Variants in STXBP6 observed in about 807,000 individuals in gnomAD.
STXBP6 encodes syntaxin-binding protein 6.
STXBP6 carries 21 observed loss-of-function variants against 26.9 expected under a neutral mutation model. The observed-to-expected ratio is 0.78, with a 90% CI of 0.55 to 1.12. The LOEUF is 1.12. Among genes scored for constraint, STXBP6 ranks in the 50% most tolerant of loss-of-function variants. The probability of loss-of-function intolerance (pLI) is 0.00; values close to 1 mark genes in which losing one functional copy is unlikely to be tolerated. For missense variants in STXBP6, 232 were observed against 257.9 expected (o/e 0.90, Z 0.69); for synonymous variants, 97 against 92.6 (o/e 1.05, Z -0.27).
At chr14:25,012,410 G>A (rs1018396908) in intron 1 of STXBP6, among the ~76,000 whole-genome samples, 3 of 151,796 alleles carry the variant, frequency 2.0e-5, no homozygotes, top group Non-Finnish European at 2.9e-5. Flanking sequence ...GGGGGTACTC[G>A]AGGCCAGGAG....
At chr14:24,840,783 G>C (rs1007515154) in intron 4 of STXBP6, among the ~76,000 whole-genome samples, 4 of 151,862 alleles carry the variant, frequency 2.6e-5, no homozygotes, top group Admixed American at 1.3e-4. Flanking sequence ...CAAGAAAAGA[G>C]GTGACTATCC....
chr14:25,000,759 C>A (rs989843349), intron 1 of STXBP6, among the ~76,000 whole-genome samples: 1 of 150,894 alleles, frequency 6.6e-6, no homozygotes, highest in Non-Finnish European at 1.5e-5. Context: ...GAGAACCCTG[C>A]CCCACACCGA....
intron 1 of STXBP6, among the ~76,000 whole-genome samples, chr14:25,012,645 T>C (rs2075057597): frequency 6.6e-6 from 1 of 152,106 alleles, no homozygotes; most frequent in East Asian, 1.9e-4. Context: ...TACATTCCAA[T>C]AGTCAATATA....
Position 25,029,353 on chromosome 14 carries a change from C to T in STXBP6, c.-33+20525G>A, listed in dbSNP as rs557331954. On this transcript the variant is annotated intron_variant, in intron 1 of 5. Transcript: ENST00000323944. ...GCAGTCATCCACGTTGAGGCAAGAC[C>T]CTCGACCAGCAAAAGGATTACTATT... 5.1e-4 allele frequency among the ~76,000 whole-genome samples: 78 copies of T among 152,208 alleles called. 1 individual carries two copies. Among genetic ancestry groups the T allele is most frequent in the African/African-American group, 1.7e-3 (72 of 41,500 alleles).
chr14:25,045,292 G>A (rs1015433343), intron 1 of STXBP6, among the ~76,000 whole-genome samples: 1 of 152,024 alleles, frequency 6.6e-6, no homozygotes, highest in African/African-American at 2.4e-5. Flanking sequence ...TGCCCATGTT[G>A]AGAATCTCTA....
intron 1 of STXBP6, among the ~76,000 whole-genome samples, chr14:25,031,488 G>A (rs1291459180): frequency 3.3e-5 from 5 of 152,084 alleles, no homozygotes; most frequent in Admixed American, 6.6e-5. Context: ...AATTGATATT[G>A]CAATATACAT....
rs117990346 is a variant in STXBP6, at chr14:24,925,853, T to C, written c.154+48812A>G. On this transcript the variant is annotated intron_variant, in intron 2 of 5. Transcript: ENST00000323944. ...AATGGGAAAGGGAGAAGAATTTGAC[T>C]AAAGACCAACTTTCTGATGTGCTCG... Among the ~76,000 whole-genome samples the C allele has an allele frequency of 1.5e-3, 229 of 152,292 alleles. 3 individuals carry two copies. The East Asian group carries it at 0.029, about 19-fold the overall frequency.
Position 25,022,121 on chromosome 14 carries a change from G to A in STXBP6, c.-33+27757C>T, listed in dbSNP as rs117024320. Reference sequence around the variant, plus strand: ...TCTGGTACAAGTAAAAGAAATCTTGGTTCAAAATGAGTTACACCAAAAGGA... The same window carrying A: ...TCTGGTACAAGTAAAAGAAATCTTGATTCAAAATGAGTTACACCAAAAGGA... On this transcript the variant is annotated intron_variant, in intron 1 of 5. Transcript: ENST00000323944. Among the ~76,000 whole-genome samples, 627 of 152,246 alleles carry A rather than the reference G, an allele frequency of 4.1e-3. 2 individuals are homozygous for A. The highest frequency in any genetic ancestry group is 0.017 in the Middle Eastern group (5 of 292).
At chr14:24,818,968 A>C (rs1594900427) in intron 5 of STXBP6, 69 bp downstream of exon 5, 1 of 1,496,576 alleles carries the variant, frequency 6.7e-7, no homozygotes, top group South Asian at 1.4e-5. Context: ...AAATACTGAA[A>C]TAAAGTTTCT....
At chr14:24,896,996 T>G (rs12894469) in intron 2 of STXBP6, among the ~76,000 whole-genome samples, 51,327 of 151,930 alleles carry the variant, frequency 0.34, 8,780 homozygotes, top group African/African-American at 0.41. Context: ...ACCAGTTGGG[T>G]TCTGCTAGTG....
At chr14:24,861,051 G>T (rs2069521782) in intron 2 of STXBP6, among the ~76,000 whole-genome samples, 1 of 152,066 alleles carries the variant, frequency 6.6e-6, no homozygotes, top group Non-Finnish European at 1.5e-5. Flanking sequence ...AAGAAAGAAA[G>T]AAAGAGGGCA....
chr14:25,034,094 AAAG>A (rs1671508774), intron 1 of STXBP6, among the ~76,000 whole-genome samples: 1 of 152,184 alleles, frequency 6.6e-6, no homozygotes, highest in Non-Finnish European at 1.5e-5. Flanking sequence ...ACGGACAAGG[AAAG>A]AAGTAGGGTG....
At chr14:24,956,016 A>G (rs4983039) in intron 2 of STXBP6, among the ~76,000 whole-genome samples, 102,182 of 151,974 alleles carry the variant, frequency 0.67, 34,534 homozygotes, top group South Asian at 0.75. Context: ...TTTGAAACCC[A>G]CACCCTTTTC....
chr14:24,988,726 C>T (rs2074394108), intron 1 of STXBP6, among the ~76,000 whole-genome samples: 1 of 152,166 alleles, frequency 6.6e-6, no homozygotes, highest in South Asian at 2.1e-4. Context: ...CAGACAGCCC[C>T]CAATCCAAGG....
chr14:24,981,297 G>C (rs2074185923), intron 1 of STXBP6, among the ~76,000 whole-genome samples: 1 of 151,468 alleles, frequency 6.6e-6, no homozygotes, highest in Non-Finnish European at 1.5e-5. Context: ...TTTTGAGGCA[G>C]AGTCTCACTG....
intron 2 of STXBP6, among the ~76,000 whole-genome samples, chr14:24,921,690 C>G (rs1376841066): frequency 1.3e-5 from 2 of 152,080 alleles, no homozygotes; most frequent in Non-Finnish European, 1.5e-5. Context: ...GGGACAGGCA[C>G]AGAGTCCCAG....
intron 2 of STXBP6, among the ~76,000 whole-genome samples, chr14:24,873,895 A>C (rs577000820): frequency 3.4e-4 from 52 of 152,276 alleles, no homozygotes; most frequent in Non-Finnish European, 4.0e-4. Flanking sequence ...CTCTTTTCCT[A>C]AGACAATATG....
rs2075403073 is a variant in STXBP6 at position 25,029,092 on chromosome 14, C to A, written c.-33+20786G>T. Reference sequence around the variant, plus strand: ...ACATTGTTGAAGCGACAACAAAGGACTTAGAATATTACATAAACTGAGGTG... The same window carrying A: ...ACATTGTTGAAGCGACAACAAAGGAATTAGAATATTACATAAACTGAGGTG... On this transcript the variant is annotated intron_variant, in intron 1 of 5. Transcript: ENST00000323944. 2.6e-5 allele frequency among the ~76,000 whole-genome samples: 4 copies of A among 152,102 alleles called. No homozygotes were observed. The South Asian group carries it at 8.3e-4, about 32-fold the overall frequency.
At chr14:24,874,281 A>G (rs1207950271) in intron 2 of STXBP6, among the ~76,000 whole-genome samples, 1 of 152,086 alleles carries the variant, frequency 6.6e-6, no homozygotes, top group African/African-American at 2.4e-5. Flanking sequence ...GATGAGAGGG[A>G]TAGTCACTCA....
Sources: allele counts gnomAD v4.1 joint callset (sites outside exome capture counted in the v4.1 genomes callset), GRCh38; gene constraint gnomAD v4.1.1; transcripts MANE v1.5; gene names NCBI Gene and HGNC (gene_info 2026-07-23, HGNC 2026-07-21).